KCTD16: variants seen among roughly 807,000 people sequenced by gnomAD.
KCTD16 encodes BTB/POZ domain-containing protein KCTD16.
A neutral mutation model predicts 33.2 loss-of-function variants in KCTD16; 13 were observed. The ratio of observed to expected loss-of-function variants is 0.39; its 90% CI spans 0.25 to 0.62. The LOEUF (loss-of-function observed/expected upper bound fraction) is 0.62. KCTD16 is among the 20% of genes least tolerant of loss of function. The pLI is 0.50. For missense variants in KCTD16, 441 were observed against 525.1 expected, an observed-to-expected ratio of 0.84 and a Z score of 1.57; for synonymous variants, 197 against 195.3, an observed-to-expected ratio of 1.01 and a Z score of -0.07.
intron 3 of KCTD16, among the ~76,000 whole-genome samples, chr5:144,272,439 G>A (rs181777164): frequency 3.3e-5 from 5 of 152,056 alleles, no homozygotes; most frequent in African/African-American, 1.2e-4. Flanking sequence ...TCAAAAAAAG[G>A]AAAGAAAGAG....
chr5:144,285,488 C>T lies in KCTD16; in HGVS notation c.832+77942C>T, dbSNP rs1042690234. On this transcript the variant is annotated intron_variant, in intron 3 of 3. Transcript: ENST00000512467. ...ATACAGCCCCTCTTTATCCATCCATCGCTTATGTAGCATCAAAGGGCCTTA... is the reference window on the plus strand; with the variant it reads ...ATACAGCCCCTCTTTATCCATCCATTGCTTATGTAGCATCAAAGGGCCTTA... 5.3e-5 allele frequency among the ~76,000 whole-genome samples: 8 copies of T among 152,136 alleles called. 1 individual carries two copies. The highest frequency in any genetic ancestry group is 1.3e-4 in the Admixed American group (2 of 15,268).
At position 144,200,256 on chromosome 5, in the gene KCTD16, C is replaced by A. The variant is rs191878527; in HGVS notation, c.-326-6133C>A. 6.9e-4 allele frequency among the ~76,000 whole-genome samples: 105 copies of A among 151,976 alleles called. 6 individuals carry two copies. In the East Asian group the frequency reaches 0.018, roughly 27 times the overall value. On this transcript the variant is annotated intron_variant, in intron 2 of 3. Coordinates refer to ENST00000512467, the MANE Select transcript of KCTD16 (RefSeq NM_020768.4). The stretch of plus-strand genomic sequence containing the variant: ...GGAGGCACAATGGTGATACAGACAG[C>A]TTTTGCTTTCATTTGTATTTTATGA...
chr5:144,397,789 A>G (rs1752608226), intron 3 of KCTD16, among the ~76,000 whole-genome samples: 1 of 152,152 alleles, frequency 6.6e-6, no homozygotes, highest in South Asian at 2.1e-4. Context: ...TTCAAACTAT[A>G]CTACGAGGCT....
At chr5:144,425,575 T>C (rs1266405200) in intron 3 of KCTD16, among the ~76,000 whole-genome samples, 1 of 151,868 alleles carries the variant, frequency 6.6e-6, no homozygotes, top group Non-Finnish European at 1.5e-5. Flanking sequence ...TAGGTGGAGG[T>C]AGACATACCT....
intron 3 of KCTD16, among the ~76,000 whole-genome samples, chr5:144,288,005 T>C (rs933070742): frequency 1.3e-5 from 2 of 152,140 alleles, no homozygotes; most frequent in African/African-American, 4.8e-5. Flanking sequence ...ATCTAGAGCA[T>C]TGATTTTTAA....
chr5:144,433,666 G>A (rs1753515821), intron 3 of KCTD16, among the ~76,000 whole-genome samples: 1 of 152,084 alleles, frequency 6.6e-6, no homozygotes, highest in Admixed American at 6.6e-5. Flanking sequence ...ACCTTCACTG[G>A]CTTCCCAAGT....
chr5:144,298,926 T>C (rs1173886071), intron 3 of KCTD16, among the ~76,000 whole-genome samples: 1 of 149,442 alleles, frequency 6.7e-6, no homozygotes, highest in Non-Finnish European at 1.5e-5. Flanking sequence ...CTCTCCAGGC[T>C]TCTTTCACCC....
intron 3 of KCTD16, among the ~76,000 whole-genome samples, chr5:144,455,046 TACAAGCTTTGGTGCTTGAGA>T (rs1754030541): frequency 6.6e-6 from 1 of 152,098 alleles, no homozygotes; most frequent in Non-Finnish European, 1.5e-5. Flanking sequence ...AAATAATTGG[TACAAGCTTTGGTGCTTGAGA>T]AAGCCCCAGG....
intron 3 of KCTD16, among the ~76,000 whole-genome samples, chr5:144,303,655 G>A (rs73792383): frequency 9.9e-5 from 15 of 151,608 alleles, no homozygotes; most frequent in African/African-American, 3.6e-4. Flanking sequence ...TATTTTTCAG[G>A]CCACTATAAG....
At chr5:144,428,205 A>G (rs1461133198) in intron 3 of KCTD16, among the ~76,000 whole-genome samples, 2 of 152,150 alleles carry the variant, frequency 1.3e-5, no homozygotes, top group African/African-American at 4.8e-5. Context: ...ACATAGTCTA[A>G]CTCAAGAACA....
chr5:144,195,564 G>C (rs2126782584), intron 2 of KCTD16, among the ~76,000 whole-genome samples: 1 of 152,284 alleles, frequency 6.6e-6, no homozygotes, highest in Admixed American at 6.5e-5. Context: ...AAATGGAGAG[G>C]GAAGGGCCAC....
At chr5:144,171,523 C>G (rs1279812266) in intron 1 of KCTD16, among the ~76,000 whole-genome samples, 1 of 152,250 alleles carries the variant, frequency 6.6e-6, no homozygotes, top group East Asian at 1.9e-4. Context: ...TGATGCTTAG[C>G]AGTAGCATCC....
At chr5:144,220,783 T>C (rs1036021633) in intron 3 of KCTD16, among the ~76,000 whole-genome samples, 3 of 151,568 alleles carry the variant, frequency 2.0e-5, no homozygotes, top group African/African-American at 7.3e-5. Context: ...CTACTAAAAA[T>C]ATAAAAAATT....
chr5:144,457,076 T>C (rs1347597609), intron 3 of KCTD16, among the ~76,000 whole-genome samples: 2 of 152,174 alleles, frequency 1.3e-5, no homozygotes, highest in African/African-American at 2.4e-5. Context: ...AATGGAGAAG[T>C]GATAATCCCT....
chr5:144,241,815 A>G (rs1430924032), intron 3 of KCTD16, among the ~76,000 whole-genome samples: 2 of 152,176 alleles, frequency 1.3e-5, no homozygotes, highest in Admixed American at 6.5e-5. Context: ...ATTACATTCA[A>G]TCTTAACCCC....
intron 2 of KCTD16, among the ~76,000 whole-genome samples, chr5:144,193,040 C>T (rs1249261417): frequency 6.6e-6 from 1 of 152,124 alleles, no homozygotes; most frequent in African/African-American, 2.4e-5. Context: ...CCACCTGTAC[C>T]CCCAAAATCC....
intron 3 of KCTD16, among the ~76,000 whole-genome samples, chr5:144,285,105 A>G (rs1755709488): frequency 6.6e-6 from 1 of 152,142 alleles, no homozygotes; most frequent in Non-Finnish European, 1.5e-5. Flanking sequence ...GCAAGAAGTC[A>G]TATAAGATTG....
chr5:144,205,831 C>T (rs1433782498), intron 2 of KCTD16: 1 of 357,926 alleles, frequency 2.8e-6, no homozygotes, highest in Non-Finnish European at 4.9e-6. Flanking sequence ...TACATACATA[C>T]ATAAATACAA....
intron 2 of KCTD16, among the ~76,000 whole-genome samples, chr5:144,198,158 A>G (rs775737072): frequency 1.3e-5 from 2 of 152,100 alleles, no homozygotes; most frequent in South Asian, 2.1e-4. Flanking sequence ...GGAATCAACT[A>G]CCTTATATTC....
Sources: gnomAD v4.1 joint callset for allele counts (sites outside exome capture counted in the v4.1 genomes callset) on GRCh38, gnomAD v4.1.1 for gene constraint, MANE v1.5 for transcripts, NCBI Gene and HGNC (gene_info 2026-07-23, HGNC 2026-07-21) for gene names.